The following TNPO3 variants were observed in gnomAD, a reference collection of about 807,000 sequenced individuals.
TNPO3 encodes the protein transportin 3.
TNPO3 carries 65 observed loss-of-function variants against 122.8 expected under a neutral mutation model. That is an observed-to-expected ratio of 0.53 (90% CI 0.43 to 0.65). TNPO3 has a LOEUF of 0.65. Ranked by LOEUF, TNPO3 falls within the 30% of genes least tolerant of loss-of-function variation. The pLI, the probability that TNPO3 is intolerant of heterozygous loss-of-function variation, is 0.00. For missense variants in TNPO3, 850 were observed against 1,136.7 expected, an observed-to-expected ratio of 0.75 and a Z score of 3.63; for synonymous variants, 372 against 411.2, an observed-to-expected ratio of 0.90 and a Z score of 1.15.
At chr7:129,017,172 C>G (rs1459289537) in intron 2 of TNPO3, 116 bp from the exon 3 acceptor site, 2 of 933,536 alleles carry the variant, frequency 2.1e-6, no homozygotes, top group East Asian at 5.1e-5. Flanking sequence ...TAAGACTAAC[C>G]CCCTTCCCCC....
chr7:129,042,313 A>T (rs1381484542), intron 1 of TNPO3, among the ~76,000 whole-genome samples: 4 of 152,222 alleles, frequency 2.6e-5, no homozygotes, highest in Non-Finnish European at 1.5e-5. Context: ...ATTTTCAAAG[A>T]TTTATAGTAT....
intron 12 of TNPO3, among the ~76,000 whole-genome samples, chr7:128,985,094 A>G (rs1800009995): frequency 6.6e-6 from 1 of 152,188 alleles, no homozygotes; most frequent in Non-Finnish European, 1.5e-5. Context: ...CACCTTGAAT[A>G]TAAATGTTTT....
chr7:129,039,195 T>TA (rs1396059447), intron 1 of TNPO3, among the ~76,000 whole-genome samples: 3 of 152,324 alleles, frequency 2.0e-5, no homozygotes, highest in African/African-American at 7.2e-5. Flanking sequence ...GGAACCCTTA[T>TA]ACACTGCTGG....
chr7:129,029,140 C>A, intron 1 of TNPO3: 1 of 212,862 alleles, frequency 4.7e-6, no homozygotes, highest in South Asian at 7.0e-5. Flanking sequence ...CTCTTGCTGC[C>A]ATCGGGACAG....
chr7:129,023,094 T>C (rs1253540873), intron 1 of TNPO3, among the ~76,000 whole-genome samples: 5 of 152,144 alleles, frequency 3.3e-5, no homozygotes, highest in African/African-American at 9.7e-5. Flanking sequence ...GTATTGTTAG[T>C]CTGAGGCTAC....
chr7:129,009,587 G>T (rs1398206965), intron 4 of TNPO3, among the ~76,000 whole-genome samples: 1 of 152,214 alleles, frequency 6.6e-6, no homozygotes, highest in Admixed American at 6.5e-5. Flanking sequence ...GATGTGCTAA[G>T]TCAGGCACGT....
intron 1 of TNPO3, among the ~76,000 whole-genome samples, chr7:129,046,696 T>C (rs1056555684): frequency 3.9e-5 from 6 of 152,144 alleles, no homozygotes; most frequent in Non-Finnish European, 1.5e-5. Context: ...GGGTAATTTA[T>C]AAAGGAAAGG....
At chr7:128,989,184 ATG>A (rs1244286200) in intron 11 of TNPO3, among the ~76,000 whole-genome samples, 1 of 152,208 alleles carries the variant, frequency 6.6e-6, no homozygotes, top group Non-Finnish European at 1.5e-5. Context: ...TCTTTTTAGC[ATG>A]TGTTTCAGTC....
chr7:128,963,669 C>A (rs1205932964), intron 21 of TNPO3, among the ~76,000 whole-genome samples: 1 of 152,150 alleles, frequency 6.6e-6, no homozygotes, highest in East Asian at 1.9e-4. Flanking sequence ...ACTTAGTGAA[C>A]TATAAAATAA....
chr7:129,029,404 GCAAAAGAA>G (rs1448400549), intron 1 of TNPO3: 3 of 152,830 alleles, frequency 2.0e-5, no homozygotes, highest in African/African-American at 7.2e-5. Context: ...TTTGGAATGA[GCAAAAGAA>G]CTAAATATTG....
intron 21 of TNPO3, among the ~76,000 whole-genome samples, chr7:128,959,133 C>G (rs1209906828): frequency 6.6e-6 from 1 of 152,218 alleles, no homozygotes; most frequent in African/African-American, 2.4e-5. Flanking sequence ...TTAATACTGA[C>G]TGTTAAGGAG....
chr7:129,039,472 A>T (rs1807101472), intron 1 of TNPO3, among the ~76,000 whole-genome samples: 1 of 152,012 alleles, frequency 6.6e-6, no homozygotes. Context: ...AGGCGGGAGG[A>T]TTGCTTGAGC....
At position 128,973,553 on chromosome 7, in the gene TNPO3, A is replaced by G. The variant is rs1411108872; in HGVS notation, c.2274-971T>C. Among the ~76,000 whole-genome samples the G allele has an allele frequency of 4.6e-5, 7 of 151,534 alleles. No homozygotes were observed. The South Asian group carries it at 1.0e-3, about 23-fold the overall frequency. On this transcript the variant is annotated intron_variant, in intron 18 of 22. Transcript: ENST00000265388. Reference sequence around the variant, plus strand: ...AGATCGAGACCATCCTGGCTAACACAGTGAAACCCCGTCTCTACTAAAAAT... The same window carrying G: ...AGATCGAGACCATCCTGGCTAACACGGTGAAACCCCGTCTCTACTAAAAAT...
rs114663913 is a variant in TNPO3 at position 129,020,333 on chromosome 7, C to T, written c.121-2176G>A. 6.9e-3 allele frequency among the ~76,000 whole-genome samples: 1,056 copies of T among 152,276 alleles called. 14 individuals carry two copies. Among genetic ancestry groups the T allele is most frequent in the African/African-American group, 0.025 (1,018 of 41,544 alleles). On this transcript the variant is annotated intron_variant, in intron 1 of 22. Coordinates refer to ENST00000265388, the MANE Select transcript of TNPO3 (RefSeq NM_012470.4). Reference sequence around the variant, plus strand: ...ACTAATAGCACCAATTTTCCTTTCTCAAGTAAAAAAATCTTCCAAAGATTT... The same window carrying T: ...ACTAATAGCACCAATTTTCCTTTCTTAAGTAAAAAAATCTTCCAAAGATTT...
At chr7:128,959,456 A>G (rs937140639) in intron 21 of TNPO3, among the ~76,000 whole-genome samples, 2 of 152,294 alleles carry the variant, frequency 1.3e-5, no homozygotes, top group East Asian at 3.9e-4. Context: ...CTCAGCCTCC[A>G]AAGTGCTGTG....
intron 10 of TNPO3, among the ~76,000 whole-genome samples, chr7:128,991,135 T>C (rs1800703843): frequency 6.6e-6 from 1 of 152,204 alleles, no homozygotes; most frequent in Non-Finnish European, 1.5e-5. Context: ...AGGTTCAAAA[T>C]GACACCAAAA....
Position 129,030,270 on chromosome 7 carries a change from C to A in TNPO3, c.121-12113G>T, listed in dbSNP as rs12234259. The A allele has an allele frequency of 1.6e-3, 399 of 248,400 alleles. 13 individuals carry two copies. The East Asian group carries it at 0.04, about 25-fold the overall frequency. 15.4% of individuals were successfully genotyped at this position (248,400 alleles called of 1,614,324 possible). A position where few individuals can be genotyped will look rare whatever the true frequency, so the allele number is the denominator to read the frequency against. On this transcript the variant is annotated intron_variant, in intron 1 of 22. Coordinates refer to ENST00000265388, the MANE Select transcript of TNPO3 (RefSeq NM_012470.4). ...AGATTGTTGAGCACTGTGATCTGCCCAAAATATATGTAGGTAATTGGATGC... is the reference window on the plus strand; with the variant it reads ...AGATTGTTGAGCACTGTGATCTGCCAAAAATATATGTAGGTAATTGGATGC...
chr7:129,009,434 C>T (rs1802941182), intron 4 of TNPO3, among the ~76,000 whole-genome samples: 1 of 152,140 alleles, frequency 6.6e-6, no homozygotes, highest in African/African-American at 2.4e-5. Context: ...TTTTCTTGGC[C>T]ATTTTGGACT....
intron 1 of TNPO3, among the ~76,000 whole-genome samples, chr7:129,043,934 GTC>G: frequency 6.6e-6 from 1 of 152,248 alleles, no homozygotes. Context: ...TTCAACACTG[GTC>G]TCTATTTCTG....
Sources: allele counts gnomAD v4.1 joint callset (sites outside exome capture counted in the v4.1 genomes callset), GRCh38; gene constraint gnomAD v4.1.1; transcripts MANE v1.5; gene names NCBI Gene and HGNC (gene_info 2026-07-23, HGNC 2026-07-21).